The following AFF2 variants were observed in gnomAD, a reference collection of about 807,000 sequenced individuals.
AFF2 encodes AF4/FMR2 family member 2.
AFF2 carries 14 observed loss-of-function variants against 76.9 expected under a neutral mutation model. The ratio of observed to expected loss-of-function variants is 0.18; its 90% CI spans 0.12 to 0.28. The LOEUF (loss-of-function observed/expected upper bound fraction) is 0.28, where lower values mean the gene tolerates loss of function less well. AFF2 is among the 10% of genes least tolerant of loss of function. The pLI, the probability that AFF2 is intolerant of heterozygous loss-of-function variation, is 1.00. For synonymous variants in AFF2, 398 were observed against 366.7 expected, an observed-to-expected ratio of 1.09 and a Z score of -0.98; for missense variants, 868 against 1,001.1, an observed-to-expected ratio of 0.87 and a Z score of 1.79.
At position 148,966,910 on chromosome X, in the gene AFF2, G is replaced by A. The variant is rs782756910; in HGVS notation, c.3034G>A (p.Ala1012Thr). 7 of 1,208,517 alleles carry A rather than the reference G, an allele frequency of 5.8e-6. No homozygotes were observed. In the Admixed American group the frequency reaches 6.6e-5, roughly 11 times the overall value. Residue 1012 changes from alanine (A) to threonine (T), a missense_variant, in exon 14 of 21, where the codon GCC (alanine) becomes ACC (threonine). Physicochemically the swap from Ala to Thr is moderately conservative, Grantham distance 58. This residue lies in a region of AFF2 where 532 missense variants were observed against 564.2 expected (regional missense o/e 0.94). Transcript: ENST00000370460. ...CACCACTGTCACAGCTACTGCCACC[G>A]CCACGGCCACCACCACAACTACTAC... Reference protein sequence around the residue: ...VTTTVTATATATATTTTTTTT... With the variant: ...VTTTVTATATTTATTTTTTTT...
chrX:148,954,027 T>C (rs2072003597), intron 10 of AFF2, among the ~76,000 whole-genome samples: 1 of 112,167 alleles, frequency 8.9e-6, no homozygotes, highest in Admixed American at 9.4e-5. Flanking sequence ...TAGTAATGAA[T>C]AGACTAGCAG....
intron 7 of AFF2, among the ~76,000 whole-genome samples, chrX:148,857,343 G>A (rs782342447): frequency 9.9e-5 from 11 of 111,274 alleles, no homozygotes; most frequent in African/African-American, 3.6e-4. Flanking sequence ...CCCAATAGAC[G>A]AATCATTTTT....
intron 3 of AFF2, among the ~76,000 whole-genome samples, chrX:148,797,103 A>G (rs1431452972): frequency 1.8e-5 from 2 of 112,729 alleles, no homozygotes; most frequent in African/African-American, 6.4e-5. Flanking sequence ...TCTGTAGATC[A>G]TGCAGGCTCT....
At chrX:148,829,766 G>T (rs782501616) in intron 4 of AFF2, among the ~76,000 whole-genome samples, 2 of 111,803 alleles carry the variant, frequency 1.8e-5, no homozygotes, top group African/African-American at 3.3e-5. Context: ...AGGACATTTC[G>T]CCTTCAGAGA....
chrX:148,741,482 A>T (rs2055351664), intron 3 of AFF2, among the ~76,000 whole-genome samples: 1 of 110,619 alleles, frequency 9.0e-6, no homozygotes. Flanking sequence ...TCTCACCCCC[A>T]CTGTGCCTCC....
At position 148,501,015 on chromosome X, in the gene AFF2, A is replaced by G; in HGVS notation, c.-83A>G. On this transcript the variant is annotated 5_prime_UTR_variant, in exon 1 of 21. Coordinates refer to ENST00000370460, the MANE Select transcript of AFF2 (RefSeq NM_002025.4). ...GCTGGAGAGCCGGGGGCCGCCGAGA[A>G]CCGCCAGCGAGCTGTGCCGAGAGCC... is the stretch of plus-strand genomic sequence containing the variant. The G allele has an allele frequency of 9.0e-7, 1 of 1,114,665 alleles. No homozygotes were observed. Among genetic ancestry groups the G allele is most frequent in the Non-Finnish European group, 1.2e-6 (1 of 838,629 alleles). The allele number at this position is 1,114,665 out of a possible 1,213,427, so 91.9% of individuals were successfully genotyped here. A position where few individuals can be genotyped will look rare whatever the true frequency, so the allele number is the denominator to read the frequency against.
At chrX:148,740,436 T>C (rs1277423678) in intron 3 of AFF2, among the ~76,000 whole-genome samples, 2 of 111,972 alleles carry the variant, frequency 1.8e-5, no homozygotes, top group Non-Finnish European at 3.8e-5. Flanking sequence ...CTTGTTCAAT[T>C]CTATTGCTGA....
intron 1 of AFF2, among the ~76,000 whole-genome samples, chrX:148,524,829 C>G (rs1230984445): frequency 8.9e-6 from 1 of 112,214 alleles, no homozygotes; most frequent in Non-Finnish European, 1.9e-5. Context: ...TTACTAAGGG[C>G]TGTAACTGCC....
At chrX:148,964,629 G>A (rs182869604) in intron 13 of AFF2, among the ~76,000 whole-genome samples, 1 of 111,701 alleles carries the variant, frequency 9.0e-6, no homozygotes, top group Admixed American at 9.5e-5. Flanking sequence ...GGTTGCAAGC[G>A]CCTAAGGCAA....
chrX:148,967,166 C>G (rs1226568561), intron 14 of AFF2, 87 bp downstream of exon 14: 1 of 1,150,843 alleles, frequency 8.7e-7, no homozygotes, highest in African/African-American at 1.8e-5. Context: ...GTGCATGTGT[C>G]ACCCCAAATA....
intron 1 of AFF2, among the ~76,000 whole-genome samples, chrX:148,544,609 C>T (rs2052898976): frequency 8.9e-6 from 1 of 112,091 alleles, no homozygotes; most frequent in Non-Finnish European, 1.9e-5. Context: ...ATATTTTCTC[C>T]CTTGTTATGT....
Position 148,948,977 on chromosome X carries a change from G to A in AFF2, c.1398-4603G>A, listed in dbSNP as rs542935113. 1.0e-3 allele frequency among the ~76,000 whole-genome samples: 112 copies of A among 111,101 alleles called. 1 individual carries two copies. The South Asian group carries it at 0.042, about 42-fold the overall frequency. On this transcript the variant is annotated intron_variant, in intron 9 of 20. Coordinates refer to ENST00000370460, the MANE Select transcript of AFF2 (RefSeq NM_002025.4). ...GTTTTTAAAAGTATTTCCTGATGTTGAGGTAAAATCTTCCTGACTAGATCT... is the reference window on the plus strand; with the variant it reads ...GTTTTTAAAAGTATTTCCTGATGTTAAGGTAAAATCTTCCTGACTAGATCT...
intron 19 of AFF2, 143 bp from the exon 20 acceptor site, chrX:148,987,224 G>A: frequency 2.0e-6 from 1 of 497,749 alleles, no homozygotes; most frequent in Non-Finnish European, 3.4e-6. Flanking sequence ...CACTCTGATG[G>A]GGCTTCACAT....
Position 148,956,555 on chromosome X carries a change from G to A in AFF2, c.2510G>A (p.Arg837His), listed in dbSNP as rs782597343. The change falls in exon 11 of 21, where the codon CGT (arginine) becomes CAT (histidine). Residue 837 changes from arginine (R) to histidine (H), a missense_variant. Around this residue, in one of 6 missense-constraint regions of AFF2, gnomAD observed 532 missense variants for 564.2 expected, o/e 0.94. Transcript: ENST00000370460. ...DHKETATKPK[R>H]QTAVTAVEKP... The stretch of plus-strand genomic sequence containing the variant: ...AAGGAGACTGCCACAAAACCCAAGC[G>A]TCAGACAGCTGTCACAGCTGTGGAG... 18 of 1,210,431 alleles carry A rather than the reference G, an allele frequency of 1.5e-5. No individual in the cohort carries two copies. The highest frequency in any genetic ancestry group is 2.3e-4 in the Middle Eastern group (1 of 4,355).
At chrX:148,784,339 G>A (rs2124615490) in intron 3 of AFF2, among the ~76,000 whole-genome samples, 1 of 111,984 alleles carries the variant, frequency 8.9e-6, no homozygotes, top group Non-Finnish European at 1.9e-5. Flanking sequence ...TTGTGTTACT[G>A]AACCCACGAC....
chrX:148,656,508 T>C lies in AFF2; in HGVS notation c.180+4377T>C, dbSNP rs1045625561. 1.4e-4 allele frequency among the ~76,000 whole-genome samples: 14 copies of C among 97,256 alleles called. 1 individual carries two copies. Among genetic ancestry groups the C allele is most frequent in the Non-Finnish European group, 2.9e-4 (14 of 47,965 alleles). The allele number at this position is 97,256 out of a possible 115,157, so 84.5% of individuals were successfully genotyped here. ...TCCATGAGGAATTTTTTTTTTTTTT[T>C]TTTTTTTTTGAGACGGAGTCTCGCT... On this transcript the variant is annotated intron_variant, in intron 2 of 20. Coordinates refer to ENST00000370460, the MANE Select transcript of AFF2 (RefSeq NM_002025.4).
At chrX:148,758,014 TG>T (rs1262086774) in intron 3 of AFF2, among the ~76,000 whole-genome samples, 2 of 112,390 alleles carry the variant, frequency 1.8e-5, no homozygotes, top group Non-Finnish European at 3.8e-5. Flanking sequence ...GATAACTATC[TG>T]AGTAATCCAT....
At chrX:148,627,444 A>G (rs1171669592) in intron 1 of AFF2, among the ~76,000 whole-genome samples, 1 of 112,225 alleles carries the variant, frequency 8.9e-6, no homozygotes, top group Non-Finnish European at 1.9e-5. Context: ...CACAGAATGT[A>G]GAGGACAGAG....
At chrX:148,780,806 T>C (rs2069733042) in intron 3 of AFF2, among the ~76,000 whole-genome samples, 1 of 111,913 alleles carries the variant, frequency 8.9e-6, no homozygotes. Flanking sequence ...CGAGGAGTTG[T>C]GATCCTTTGG....
Sources: allele counts gnomAD v4.1 joint callset (sites outside exome capture counted in the v4.1 genomes callset), GRCh38; gene constraint gnomAD v4.1.1; regional missense constraint gnomAD v4.1.1; transcripts MANE v1.5; gene names NCBI Gene and HGNC (gene_info 2026-07-23, HGNC 2026-07-21).